Variants in PTCHD4 observed in about 807,000 individuals in gnomAD.
PTCHD4 encodes the protein patched domain containing 4.
A neutral mutation model predicts 58.1 loss-of-function variants in PTCHD4; 33 were observed. The observed-to-expected ratio is 0.57, with a 90% confidence interval of 0.43 to 0.76. The LOEUF (loss-of-function observed/expected upper bound fraction) is 0.76. Ranked by LOEUF, PTCHD4 falls within the 30% of genes least tolerant of loss-of-function variation. PTCHD4 has a pLI of 0.00. For missense variants in PTCHD4, 1,058 were observed against 1,027.1 expected, an observed-to-expected ratio of 1.03 and a Z score of -0.41; for synonymous variants, 478 against 409.6, an observed-to-expected ratio of 1.17 and a Z score of -2.02.
chr6:48,012,613 G>C (rs752487489), intron 3 of PTCHD4, among the ~76,000 whole-genome samples: 42 of 152,138 alleles, frequency 2.8e-4, no homozygotes, highest in Non-Finnish European at 5.0e-4. Context: ...ATACTATGTT[G>C]AATAGGAGTG....
chr6:47,987,931 G>A (rs540551207), intron 4 of PTCHD4, among the ~76,000 whole-genome samples: 241 of 152,042 alleles, frequency 1.6e-3, no homozygotes, highest in African/African-American at 5.6e-3. Context: ...GTGCATCACC[G>A]TACCCTGACT....
At chr6:48,047,580 T>TTTA (rs1764079971) in intron 3 of PTCHD4, among the ~76,000 whole-genome samples, 1 of 151,870 alleles carries the variant, frequency 6.6e-6, no homozygotes. Context: ...CTATGGACTG[T>TTTA]TTATCTCTCC....
At chr6:48,101,603 T>C (rs931924758) in intron 1 of PTCHD4, among the ~76,000 whole-genome samples, 2 of 152,218 alleles carry the variant, frequency 1.3e-5, no homozygotes, top group Admixed American at 1.3e-4. Flanking sequence ...TTTTCCCTGT[T>C]CAGGTAAACT....
chr6:48,045,637 A>G (rs538620950), intron 3 of PTCHD4, among the ~76,000 whole-genome samples: 1 of 151,990 alleles, frequency 6.6e-6, no homozygotes, highest in African/African-American at 2.4e-5. Flanking sequence ...GATGTATAGG[A>G]TATTTCCTGT....
chr6:47,911,609 A>G (rs1765071951), intron 4 of PTCHD4, among the ~76,000 whole-genome samples: 2 of 152,148 alleles, frequency 1.3e-5, no homozygotes, highest in Non-Finnish European at 2.9e-5. Flanking sequence ...CAGTGATGAC[A>G]TTGACTGAAT....
At chr6:48,044,565 A>G (rs1763966127) in intron 3 of PTCHD4, among the ~76,000 whole-genome samples, 1 of 151,892 alleles carries the variant, frequency 6.6e-6, no homozygotes, top group South Asian at 2.1e-4. Context: ...GGGGGTTGGC[A>G]ATGTACAGCC....
intron 4 of PTCHD4, among the ~76,000 whole-genome samples, chr6:47,938,080 G>A (rs781075398): frequency 2.0e-4 from 30 of 152,156 alleles, no homozygotes; most frequent in Non-Finnish European, 5.9e-5. Flanking sequence ...GTGAACCCGG[G>A]AGGCAGAGGT....
intron 4 of PTCHD4, among the ~76,000 whole-genome samples, chr6:47,933,622 A>T (rs1765899539): frequency 6.6e-6 from 1 of 152,224 alleles, no homozygotes; most frequent in Non-Finnish European, 1.5e-5. Flanking sequence ...CCTAGTAGGT[A>T]GGGCAGTAAG....
intron 4 of PTCHD4, among the ~76,000 whole-genome samples, chr6:47,895,986 T>A (rs1048589735): frequency 3.3e-5 from 5 of 152,166 alleles, no homozygotes; most frequent in Non-Finnish European, 4.4e-5. Context: ...CCTAGCAGTG[T>A]CATGCGGATA....
intron 3 of PTCHD4, among the ~76,000 whole-genome samples, chr6:48,042,905 C>G (rs1763894214): frequency 6.6e-6 from 1 of 151,884 alleles, no homozygotes; most frequent in Admixed American, 6.6e-5. Flanking sequence ...TTAATTTTTA[C>G]CTAGGAATAG....
intron 1 of PTCHD4, among the ~76,000 whole-genome samples, chr6:48,100,056 A>G (rs960550694): frequency 1.3e-5 from 2 of 152,200 alleles, no homozygotes; most frequent in Non-Finnish European, 2.9e-5. Flanking sequence ...GTGAAAGCAA[A>G]TAATTACTGG....
intron 1 of PTCHD4, among the ~76,000 whole-genome samples, chr6:48,078,100 C>T (rs999538151): frequency 2.0e-5 from 3 of 152,088 alleles, no homozygotes; most frequent in African/African-American, 7.2e-5. Context: ...ATGAAGTGTG[C>T]CTGTAATAGA....
At chr6:48,052,966 C>T (rs1562028566) in intron 3 of PTCHD4, among the ~76,000 whole-genome samples, 1 of 152,120 alleles carries the variant, frequency 6.6e-6, no homozygotes, top group Admixed American at 6.6e-5. Context: ...AAGAAGGGCA[C>T]TTGGATGATT....
intron 3 of PTCHD4, among the ~76,000 whole-genome samples, chr6:48,054,323 C>T (rs1347922896): frequency 6.6e-6 from 1 of 152,076 alleles, no homozygotes; most frequent in African/African-American, 2.4e-5. Flanking sequence ...TTGGAGTTGG[C>T]CTATAAATAA....
intron 3 of PTCHD4, among the ~76,000 whole-genome samples, chr6:48,029,490 T>C (rs1329117449): frequency 6.6e-6 from 1 of 152,126 alleles, no homozygotes. Context: ...ACAATTTTAA[T>C]TCCTATGGCT....
At chr6:48,059,041 C>T (rs965203298) in intron 3 of PTCHD4, among the ~76,000 whole-genome samples, 5 of 152,184 alleles carry the variant, frequency 3.3e-5, no homozygotes, top group Non-Finnish European at 5.9e-5. Flanking sequence ...TGAAGGTCAA[C>T]GCTCAAGAAC....
At chr6:47,934,671 C>A (rs1341891680) in intron 4 of PTCHD4, among the ~76,000 whole-genome samples, 1 of 152,076 alleles carries the variant, frequency 6.6e-6, no homozygotes, top group Non-Finnish European at 1.5e-5. Flanking sequence ...TAAAATAAAG[C>A]ATTTGGGTCT....
chr6:47,959,948 T>G (rs1206024756), intron 4 of PTCHD4, among the ~76,000 whole-genome samples: 6 of 150,998 alleles, frequency 4.0e-5, no homozygotes, highest in Non-Finnish European at 5.9e-5. Context: ...AACCCCAGAG[T>G]TTTTCTTCTT....
At position 47,872,435 on chromosome 6, in the gene PTCHD4, T is replaced by G. The variant is rs1763741637; in HGVS notation, c.*5868A>C. ...AATGCTCCTCTATTAGACCATGCCA[T>G]TAGCTGTTGGGAAACCAGAGCTCAG... On this transcript the variant is annotated 3_prime_UTR_variant, in exon 5 of 5. Transcript: ENST00000339488. Among the ~76,000 whole-genome samples, 3 of 151,592 alleles carry G rather than the reference T, an allele frequency of 2.0e-5. No homozygotes were observed. Among genetic ancestry groups the G allele is most frequent in the African/African-American group, 7.3e-5 (3 of 41,350 alleles).
Sources: gnomAD v4.1 joint callset for allele counts (sites outside exome capture counted in the v4.1 genomes callset) on GRCh38, gnomAD v4.1.1 for gene constraint, MANE v1.5 for transcripts, NCBI Gene and HGNC (gene_info 2026-07-23, HGNC 2026-07-21) for gene names.